Variants in RBFOX1 observed in about 807,000 individuals in gnomAD.
RBFOX1 encodes the protein RNA binding protein fox-1 homolog 1.
RBFOX1 carries 8 observed loss-of-function variants against 57.7 expected under a neutral mutation model. The ratio of observed to expected loss-of-function variants is 0.14; its 90% CI spans 0.08 to 0.25. The LOEUF (loss-of-function observed/expected upper bound fraction) is 0.25. Ranked by LOEUF, RBFOX1 falls within the 10% of genes least tolerant of loss-of-function variation. RBFOX1 has a pLI of 1.00. For missense variants in RBFOX1, 611 were observed against 548.5 expected (o/e 1.11, Z -1.14); for synonymous variants, 326 against 222.4 (o/e 1.47, Z -4.15).
chr16:6,130,545 G>T (rs1486218032), intron 1 of RBFOX1, among the ~76,000 whole-genome samples: 2 of 152,132 alleles, frequency 1.3e-5, no homozygotes, highest in Admixed American at 1.3e-4. Context: ...TTCACCAAGT[G>T]CAAGTGGACT....
At chr16:7,258,812 T>C (rs756282783) in intron 4 of RBFOX1, among the ~76,000 whole-genome samples, 103 of 152,272 alleles carry the variant, frequency 6.8e-4, no homozygotes, top group Admixed American at 2.0e-3. Context: ...CTAACTGATG[T>C]CATTTCATGC....
At chr16:6,098,592 G>C (rs545622514) in intron 1 of RBFOX1, among the ~76,000 whole-genome samples, 1 of 152,202 alleles carries the variant, frequency 6.6e-6, no homozygotes, top group Non-Finnish European at 1.5e-5. Context: ...TCAGTCTTTT[G>C]TTTCTGGCTG....
chr16:7,196,209 GTAA>G (rs2086658160), intron 4 of RBFOX1, among the ~76,000 whole-genome samples: 1 of 152,104 alleles, frequency 6.6e-6, no homozygotes, highest in Non-Finnish European at 1.5e-5. Context: ...AGTCAGAATG[GTAA>G]TAATGATTCC....
At chr16:7,029,265 T>C (rs1321557621) in intron 3 of RBFOX1, among the ~76,000 whole-genome samples, 2 of 133,170 alleles carry the variant, frequency 1.5e-5, no homozygotes, top group Non-Finnish European at 1.6e-5. Flanking sequence ...CACATATATA[T>C]ACGTATACGT....
chr16:6,211,181 TC>T (rs149205759), intron 1 of RBFOX1, among the ~76,000 whole-genome samples: 2 of 136,098 alleles, frequency 1.5e-5, no homozygotes, highest in Admixed American at 1.6e-4. Flanking sequence ...CAGAGTGTTT[TC>T]TTCTTCTTTT....
intron 4 of RBFOX1, among the ~76,000 whole-genome samples, chr16:7,266,252 G>A (rs1453672183): frequency 6.6e-6 from 1 of 152,060 alleles, no homozygotes; most frequent in Non-Finnish European, 1.5e-5. Context: ...TGGGATTACA[G>A]GTGTGAGCCA....
rs116819019 is a variant in RBFOX1, at chr16:7,349,629, C to G, written c.28-168518C>G. 3.4e-3 allele frequency among the ~76,000 whole-genome samples: 518 copies of G among 152,194 alleles called. 3 individuals are homozygous for G. The highest frequency in any genetic ancestry group is 0.012 in the African/African-American group (479 of 41,534). On this transcript the variant is annotated intron_variant, in intron 4 of 15. Coordinates refer to ENST00000550418, the MANE Select transcript of RBFOX1 (RefSeq NM_018723.4). ...AAATGAGGATGGCGACATACCACATCCGCTTGAGAGGCTGAGGAGGGTTGG... is the reference window on the plus strand; with the variant it reads ...AAATGAGGATGGCGACATACCACATGCGCTTGAGAGGCTGAGGAGGGTTGG...
At chr16:6,202,482 G>C (rs2097221422) in intron 1 of RBFOX1, among the ~76,000 whole-genome samples, 1 of 152,054 alleles carries the variant, frequency 6.6e-6, no homozygotes. Flanking sequence ...CTTCACTCAA[G>C]AACTTAAGAC....
intron 4 of RBFOX1, among the ~76,000 whole-genome samples, chr16:7,305,376 C>G (rs1306874762): frequency 6.6e-6 from 1 of 152,084 alleles, no homozygotes; most frequent in Non-Finnish European, 1.5e-5. Flanking sequence ...GGGTGACAGG[C>G]CAGCTCTCTG....
intron 4 of RBFOX1, among the ~76,000 whole-genome samples, chr16:7,204,756 C>T (rs1286652607): frequency 6.6e-6 from 1 of 152,104 alleles, no homozygotes; most frequent in African/African-American, 2.4e-5. Context: ...CTTTTCTCCC[C>T]CTCTCCCCAA....
At chr16:6,838,208 G>T (rs1261010306) in intron 3 of RBFOX1, among the ~76,000 whole-genome samples, 1 of 151,802 alleles carries the variant, frequency 6.6e-6, no homozygotes, top group Non-Finnish European at 1.5e-5. Flanking sequence ...GCCCCAGTGT[G>T]TATTGTTCCC....
intron 3 of RBFOX1, among the ~76,000 whole-genome samples, chr16:7,037,125 A>C (rs868751905): frequency 2.6e-5 from 4 of 151,794 alleles, no homozygotes; most frequent in Admixed American, 2.0e-4. Context: ...TCTATCAGCA[A>C]GGTCCTTACG....
chr16:6,275,150 C>T (rs906084954), intron 1 of RBFOX1, among the ~76,000 whole-genome samples: 4 of 151,938 alleles, frequency 2.6e-5, no homozygotes, highest in African/African-American at 9.7e-5. Context: ...TCAGGGCTTG[C>T]AAAGTTAGTA....
intron 3 of RBFOX1, among the ~76,000 whole-genome samples, chr16:6,994,579 T>G (rs1271438208): frequency 2.0e-5 from 3 of 152,194 alleles, no homozygotes; most frequent in Non-Finnish European, 4.4e-5. Flanking sequence ...TCATGTTGGG[T>G]CCAGCACCAG....
At chr16:7,369,414 C>T (rs1171233279) in intron 4 of RBFOX1, among the ~76,000 whole-genome samples, 1 of 152,154 alleles carries the variant, frequency 6.6e-6, no homozygotes, top group East Asian at 1.9e-4. Flanking sequence ...TTCATCTCTC[C>T]TCTCACTATT....
chr16:6,044,875 T>C (rs545943686), intron 1 of RBFOX1, among the ~76,000 whole-genome samples: 8 of 152,316 alleles, frequency 5.3e-5, no homozygotes, highest in Admixed American at 1.3e-4. Context: ...GTTCGCTGTT[T>C]TACCTTTAGA....
rs530288178 is a variant in RBFOX1 at position 7,248,393 on chromosome 16, T to A, written c.27+196295T>A. Reference sequence around the variant, plus strand: ...TGCCCTATGTGGGTATCAGAATACATTTGTGCAGAATCTTCTAGCTGAGTC... The same window carrying A: ...TGCCCTATGTGGGTATCAGAATACAATTGTGCAGAATCTTCTAGCTGAGTC... On this transcript the variant is annotated intron_variant, in intron 4 of 15. Transcript: ENST00000550418. 3.3e-5 allele frequency among the ~76,000 whole-genome samples: 5 copies of A among 152,318 alleles called. No individual in the cohort carries two copies. In the South Asian group the frequency reaches 1.0e-3, roughly 32 times the overall value.
intron 4 of RBFOX1, among the ~76,000 whole-genome samples, chr16:7,381,265 C>T (rs554335318): frequency 6.6e-6 from 1 of 152,174 alleles, no homozygotes; most frequent in Non-Finnish European, 1.5e-5. Flanking sequence ...TTTATGGGCC[C>T]TGACTTTTCT....
At chr16:6,811,464 A>T (rs2088560216) in intron 3 of RBFOX1, among the ~76,000 whole-genome samples, 1 of 152,168 alleles carries the variant, frequency 6.6e-6, no homozygotes. Context: ...GAATATTGTA[A>T]AATTCCTGTT....
Sources: gnomAD v4.1 joint callset for allele counts (sites outside exome capture counted in the v4.1 genomes callset) on GRCh38, gnomAD v4.1.1 for gene constraint, MANE v1.5 for transcripts, NCBI Gene and HGNC (gene_info 2026-07-23, HGNC 2026-07-21) for gene names.